Variants in OTUD7A observed in about 807,000 individuals in gnomAD.
The protein encoded by OTUD7A is OTU domain-containing protein 7A.
A neutral mutation model predicts 65.7 loss-of-function variants in OTUD7A; 12 were observed. That is an observed-to-expected ratio of 0.18 (90% confidence interval 0.12 to 0.30). OTUD7A has a LOEUF of 0.30. Among genes scored for constraint, OTUD7A ranks in the 10% least tolerant of loss-of-function variants. OTUD7A has a pLI of 1.00. For synonymous variants in OTUD7A, 641 were observed against 586.3 expected (o/e 1.09, Z -1.35); for missense variants, 1,148 against 1,304.8 (o/e 0.88, Z 1.85).
intron 3 of OTUD7A, among the ~76,000 whole-genome samples, chr15:31,574,417 T>C (rs983165883): frequency 1.3e-5 from 2 of 152,200 alleles, no homozygotes; most frequent in East Asian, 1.9e-4. Context: ...AAAAGAAAGA[T>C]GAATCATTTG....
intron 4 of OTUD7A, among the ~76,000 whole-genome samples, chr15:31,559,776 A>C (rs1227501495): frequency 6.6e-6 from 1 of 152,194 alleles, no homozygotes. Context: ...CAGGACACAC[A>C]GCGCACATAC....
chr15:31,798,907 G>A (rs1896045624), intron 1 of OTUD7A, among the ~76,000 whole-genome samples: 1 of 152,100 alleles, frequency 6.6e-6, no homozygotes, highest in African/African-American at 2.4e-5. Context: ...TTTTTGCAGG[G>A]AGCTGCAATC....
At chr15:31,837,299 TG>T (rs1897076705) in intron 1 of OTUD7A, among the ~76,000 whole-genome samples, 1 of 147,468 alleles carries the variant, frequency 6.8e-6, no homozygotes, top group Admixed American at 6.9e-5. Flanking sequence ...GAGGCTGAGG[TG>T]GGTGGATCAT....
intron 4 of OTUD7A, among the ~76,000 whole-genome samples, chr15:31,568,869 C>T (rs1472815844): frequency 8.5e-5 from 13 of 152,222 alleles, no homozygotes; most frequent in Non-Finnish European, 1.5e-5. Context: ...CCTGTTCCCC[C>T]TTTGCCTTCT....
At chr15:31,682,452 T>TA (rs199909388) in intron 1 of OTUD7A, among the ~76,000 whole-genome samples, 2,499 of 152,252 alleles carry the variant, frequency 0.016, 36 homozygotes, top group Non-Finnish European at 0.026. Context: ...AGAAAAAAGT[T>TA]AGAGGACTCG....
intron 1 of OTUD7A, among the ~76,000 whole-genome samples, chr15:31,730,542 C>T (rs1276066322): frequency 6.6e-6 from 1 of 152,212 alleles, no homozygotes; most frequent in Non-Finnish European, 1.5e-5. Flanking sequence ...TCAGTTCAGT[C>T]TCCAGTTGTC....
chr15:31,621,016 C>T (rs1352756734), intron 3 of OTUD7A, among the ~76,000 whole-genome samples: 4 of 148,670 alleles, frequency 2.7e-5, no homozygotes, highest in East Asian at 1.9e-4. Context: ...GCCTTCATTT[C>T]GTGATGTACC....
At chr15:31,758,350 G>C (rs897136687) in intron 1 of OTUD7A, among the ~76,000 whole-genome samples, 1 of 152,126 alleles carries the variant, frequency 6.6e-6, no homozygotes, top group South Asian at 2.1e-4. Flanking sequence ...AGCCAAGAAC[G>C]GCCCTGCTGT....
At chr15:31,512,339 A>T (rs1049759954) in intron 8 of OTUD7A, among the ~76,000 whole-genome samples, 1 of 152,074 alleles carries the variant, frequency 6.6e-6, no homozygotes, top group African/African-American at 2.4e-5. Flanking sequence ...ATGAGGAGGG[A>T]CTGGAGACCA....
At chr15:31,523,013 G>A (rs2041959329) in intron 8 of OTUD7A, among the ~76,000 whole-genome samples, 1 of 152,192 alleles carries the variant, frequency 6.6e-6, no homozygotes, top group Middle Eastern at 3.2e-3. Flanking sequence ...AACAGGTTCT[G>A]GGAAACCCAG....
chr15:31,582,433 A>G (rs574433101), intron 3 of OTUD7A, among the ~76,000 whole-genome samples: 25 of 152,320 alleles, frequency 1.6e-4, no homozygotes, highest in Admixed American at 1.2e-3. Flanking sequence ...CCAATTTATT[A>G]GTCTGTTCTC....
rs775372326 is a variant in OTUD7A, at chr15:31,484,575, C to A, written c.1521G>T (p.Lys507Asn). Residue 507 changes from lysine to asparagine, a missense_variant, in exon 13 of 13, where the codon AAG becomes AAT. Physicochemically the swap from Lys to Asn is moderately conservative, Grantham distance 94. Around this residue, in one of 6 missense-constraint regions of OTUD7A, gnomAD observed 842 missense variants for 769.5 expected, o/e 1.09. Transcript: ENST00000307050. This position sits in a 1 kb window ranked among gnomAD's most constrained non-coding sequence, Gnocchi z 4.5. ...GKNGKDKEKE[K>N]QRKEKDKTRA... ...GCGTCTTGTCCTTCTCCTTGCGCTGCTTCTCCTTCTCCTTGTCCTTGCCGT... is the reference window on the plus strand; with the variant it reads ...GCGTCTTGTCCTTCTCCTTGCGCTGATTCTCCTTCTCCTTGTCCTTGCCGT... 1 of 1,610,676 alleles carries A rather than the reference C, an allele frequency of 6.2e-7. No homozygotes were observed. Among genetic ancestry groups the A allele is most frequent in the Non-Finnish European group, 8.5e-7 (1 of 1,179,412 alleles).
chr15:31,704,914 C>G (rs1391014514), intron 1 of OTUD7A, among the ~76,000 whole-genome samples: 2 of 151,852 alleles, frequency 1.3e-5, no homozygotes, highest in East Asian at 3.9e-4. Flanking sequence ...TCAAAGAAAA[C>G]CCCCCTGGAT....
At position 31,477,137 on chromosome 15, in the gene OTUD7A, G is replaced by A. The variant is rs1402464766; in HGVS notation, c.*6157C>T. 1 of 152,332 alleles carries A rather than the reference G, an allele frequency of 6.6e-6. No homozygotes were observed. Among genetic ancestry groups the A allele is most frequent in the African/African-American group, 2.4e-5 (1 of 41,464 alleles). The allele number at this position is 152,332 out of a possible 1,614,324, so 9.4% of individuals were successfully genotyped here. On this transcript the variant is annotated 3_prime_UTR_variant, in exon 13 of 13. Transcript: ENST00000307050. ...CCAAATTTGTCAATGCAGTTACCCA[G>A]CCCTGAGCCGGTTAATGTTTGTGAC...
chr15:31,808,833 G>A (rs938583436), intron 1 of OTUD7A, among the ~76,000 whole-genome samples: 5 of 152,244 alleles, frequency 3.3e-5, no homozygotes, highest in African/African-American at 1.2e-4. Flanking sequence ...GGAGTAGGGA[G>A]CTACAGAGCT....
intron 8 of OTUD7A, among the ~76,000 whole-genome samples, chr15:31,514,775 C>A (rs182133894): frequency 1.3e-5 from 2 of 152,252 alleles, no homozygotes; most frequent in Non-Finnish European, 2.9e-5. Context: ...TGCTTTGCCC[C>A]ACCTAATGGC....
chr15:31,606,645 G>A (rs1447786112), intron 3 of OTUD7A, among the ~76,000 whole-genome samples: 2 of 152,192 alleles, frequency 1.3e-5, no homozygotes, highest in Non-Finnish European at 2.9e-5. Context: ...CTACAAAGCT[G>A]ATGTCAACAT....
At chr15:31,829,068 A>G (rs1315022769) in intron 1 of OTUD7A, among the ~76,000 whole-genome samples, 1 of 152,222 alleles carries the variant, frequency 6.6e-6, no homozygotes, top group East Asian at 1.9e-4. Flanking sequence ...GATCATGTCA[A>G]CTAATGAAGC....
At chr15:31,681,985 G>A (rs930839956) in intron 1 of OTUD7A, among the ~76,000 whole-genome samples, 1 of 152,110 alleles carries the variant, frequency 6.6e-6, no homozygotes, top group Non-Finnish European at 1.5e-5. Context: ...ACAAGGGAAG[G>A]GCACCCATGC....
Sources: allele counts gnomAD v4.1 joint callset (sites outside exome capture counted in the v4.1 genomes callset), GRCh38; gene constraint gnomAD v4.1.1; regional missense constraint gnomAD v4.1.1; non-coding constraint Gnocchi (gnomAD v3.1); transcripts MANE v1.5; gene names NCBI Gene and HGNC (gene_info 2026-07-23, HGNC 2026-07-21).